Variants in RUFY1 observed in about 807,000 individuals in gnomAD.
The protein encoded by RUFY1 is RUN and FYVE domain-containing protein 1.
In RUFY1, 54 loss-of-function variants were observed where a neutral mutation model predicts 94.6. The ratio of observed to expected loss-of-function variants is 0.57; its 90% CI spans 0.46 to 0.72. The LOEUF (loss-of-function observed/expected upper bound fraction) is 0.72. Ranked by LOEUF, RUFY1 falls within the 30% of genes least tolerant of loss-of-function variation. The pLI, the probability that RUFY1 is intolerant of heterozygous loss-of-function variation, is 0.00. For synonymous variants in RUFY1, 396 were observed against 347.3 expected, an observed-to-expected ratio of 1.14 and a Z score of -1.56; for missense variants, 883 against 883.9, an observed-to-expected ratio of 1.00 and a Z score of 0.01.
chr5:179,555,575 G>C (rs1269976590), intron 1 of RUFY1: 2 of 381,632 alleles, frequency 5.2e-6, no homozygotes, highest in East Asian at 1.6e-4. Context: ...CTGGAACACT[G>C]GTCTTAACAT....
chr5:179,585,518 G>A (rs1764536025), intron 7 of RUFY1, among the ~76,000 whole-genome samples: 1 of 152,170 alleles, frequency 6.6e-6, no homozygotes, highest in South Asian at 2.1e-4. Flanking sequence ...GGCAGAGGTT[G>A]CAGTGAGCCA....
chr5:179,569,080 G>T, intron 4 of RUFY1: 1 of 985,054 alleles, frequency 1.0e-6, no homozygotes, highest in South Asian at 4.7e-5. Context: ...GTTAACTTTA[G>T]ACAGGAGGAG....
chr5:179,564,319 C>T (rs1374212497), intron 3 of RUFY1, among the ~76,000 whole-genome samples: 1 of 151,788 alleles, frequency 6.6e-6, no homozygotes, highest in East Asian at 1.9e-4. Flanking sequence ...GGGGTTTCAC[C>T]ACATTGGCCA....
intron 17 of RUFY1, chr5:179,608,441 G>A (rs910609967): frequency 1.4e-4 from 137 of 985,418 alleles, no homozygotes; most frequent in Non-Finnish European, 1.6e-4. Context: ...CCCCATCTGT[G>A]GAGTCAGAAG....
Position 179,565,228 on chromosome 5 carries a change from G to T in RUFY1, c.603-2233G>T, listed in dbSNP as rs545184515. ...TCACTCTATCGCCCAGCCCAGGCTGGAGTGCAGTGGCACAATCTCGACTCA... is the reference window on the plus strand; with the variant it reads ...TCACTCTATCGCCCAGCCCAGGCTGTAGTGCAGTGGCACAATCTCGACTCA... On this transcript the variant is annotated intron_variant, in intron 3 of 17. Transcript: ENST00000319449. Among the ~76,000 whole-genome samples, 10 of 137,532 alleles carry T rather than the reference G, an allele frequency of 7.3e-5. No individual in the cohort carries two copies. In the South Asian group the frequency reaches 1.4e-3, roughly 20 times the overall value. The allele number at this position is 137,532 out of a possible 152,430, so 90.2% of individuals were successfully genotyped here.
intron 10 of RUFY1, among the ~76,000 whole-genome samples, chr5:179,592,713 T>G (rs1209277609): frequency 3.3e-5 from 5 of 152,242 alleles, no homozygotes; most frequent in Admixed American, 3.3e-4. Flanking sequence ...GCTTTATTTC[T>G]TTGCTTCTTT....
chr5:179,596,401 T>C, intron 12 of RUFY1, 161 bp from the exon 13 acceptor site: 1 of 899,274 alleles, frequency 1.1e-6, no homozygotes, highest in Non-Finnish European at 1.8e-6. Flanking sequence ...GGTGGGACCG[T>C]CCTGTATTCT....
chr5:179,608,432 C>T lies in RUFY1; in HGVS notation c.1983+773C>T, dbSNP rs75929712. ...CATGTGTCTACAAGGCCTGGCTGTC[C>T]CCATCTGTGGAGTCAGAAGCAGAGG... On this transcript the variant is annotated intron_variant, in intron 17 of 17. Transcript: ENST00000319449. 1,867 of 985,496 alleles carry T rather than the reference C, an allele frequency of 1.9e-3. 30 individuals carry two copies. In the African/African-American group the frequency reaches 0.029, roughly 15 times the overall value. 61.0% of individuals were successfully genotyped at this position (985,496 alleles called of 1,614,324 possible). A position where few individuals can be genotyped will look rare whatever the true frequency, so the allele number is the denominator to read the frequency against.
At chr5:179,596,373 G>C in intron 12 of RUFY1, 189 bp from the exon 13 acceptor site, 1 of 735,884 alleles carries the variant, frequency 1.4e-6, no homozygotes, top group Non-Finnish European at 2.4e-6. Context: ...AGGGGCTGAG[G>C]TGGGGAGTTT....
chr5:179,597,661 C>T (rs1014896912), intron 13 of RUFY1, among the ~76,000 whole-genome samples: 2 of 152,196 alleles, frequency 1.3e-5, no homozygotes, highest in Non-Finnish European at 2.9e-5. Context: ...TGTGAACCAC[C>T]GTGCCTGGCC....
chr5:179,566,576 G>A (rs960718980), intron 3 of RUFY1, among the ~76,000 whole-genome samples: 1 of 147,084 alleles, frequency 6.8e-6, no homozygotes, highest in African/African-American at 2.5e-5. Flanking sequence ...GGTGAGCCAA[G>A]ATTGTGCCAC....
At chr5:179,557,109 T>C (rs1762149975) in intron 1 of RUFY1, among the ~76,000 whole-genome samples, 1 of 152,102 alleles carries the variant, frequency 6.6e-6, no homozygotes, top group Admixed American at 6.6e-5. Flanking sequence ...TGTTGGGAGT[T>C]ACCAAAACAA....
chr5:179,552,618 A>G (rs1009893462), intron 1 of RUFY1, among the ~76,000 whole-genome samples: 1 of 152,192 alleles, frequency 6.6e-6, no homozygotes, highest in African/African-American at 2.4e-5. Context: ...TTGCATACTC[A>G]TTGACAGTCA....
chr5:179,577,145 T>C lies in RUFY1; in HGVS notation c.890+9T>C, dbSNP rs1763674521. The C allele has an allele frequency of 9.3e-7, 1 of 1,081,058 alleles. No individual in the cohort carries two copies. Among genetic ancestry groups the C allele is most frequent in the Non-Finnish European group, 1.4e-6 (1 of 724,316 alleles). 67.0% of individuals were successfully genotyped at this position (1,081,058 alleles called of 1,614,324 possible). ...CTTGATGGTGGCAAGGAGTAAGTAC[T>C]GCGTTGTATGTCACTTTTTTTTTTT... On this transcript the variant is annotated intron_variant, in intron 6 of 17. Transcript: ENST00000319449.
At chr5:179,596,785 G>A in intron 13 of RUFY1, 104 bp downstream of exon 13, 2 of 373,414 alleles carry the variant, frequency 5.4e-6, no homozygotes, top group Non-Finnish European at 9.8e-6. Context: ...GAGGAGGGGG[G>A]GCGGGGGGGC....
chr5:179,597,977 T>A (rs1023723298), intron 13 of RUFY1, among the ~76,000 whole-genome samples: 1 of 152,076 alleles, frequency 6.6e-6, no homozygotes, highest in Non-Finnish European at 1.5e-5. Context: ...GATCACGAGG[T>A]CAGGAGTTCA....
rs927139117 is a variant in RUFY1 at position 179,609,619 on chromosome 5, GAATC to G, written c.*103_*106del. On this transcript the variant is annotated 3_prime_UTR_variant, in exon 18 of 18. Transcript: ENST00000319449. ...TCTTTCCCAAGAGTATCAAAGGAAA[GAATC>G]AAATTTCTTGCCCGGTCACTGGCAC... The G allele has an allele frequency of 4.8e-6, 6 of 1,245,372 alleles. No homozygotes were observed. The African/African-American group carries it at 7.7e-5, about 16-fold the overall frequency. The allele number at this position is 1,245,372 out of a possible 1,614,324, so 77.1% of individuals were successfully genotyped here. A position where few individuals can be genotyped will look rare whatever the true frequency, so the allele number is the denominator to read the frequency against.
chr5:179,594,805 T>TC (rs1260001045), intron 11 of RUFY1, 61 bp from the exon 12 acceptor site: 1 of 727,646 alleles, frequency 1.4e-6, no homozygotes, highest in African/African-American at 2.0e-5. Context: ...CTGTTTGTAA[T>TC]CCAGAGCAGG....
chr5:179,586,037 TC>T (rs2127547484), intron 8 of RUFY1, among the ~76,000 whole-genome samples, 172 bp downstream of exon 8: 1 of 152,244 alleles, frequency 6.6e-6, no homozygotes, highest in South Asian at 2.1e-4. Flanking sequence ...TGTCCGAGGC[TC>T]CCAGTGAGAC....
Sources: allele counts gnomAD v4.1 joint callset (sites outside exome capture counted in the v4.1 genomes callset), GRCh38; gene constraint gnomAD v4.1.1; transcripts MANE v1.5; gene names NCBI Gene and HGNC (gene_info 2026-07-23, HGNC 2026-07-21).